TAF4B: variants seen among roughly 807,000 people sequenced by gnomAD.
TAF4B encodes transcription initiation factor TFIID subunit 4B.
TAF4B carries 38 observed loss-of-function variants against 86.4 expected under a neutral mutation model. That is an observed-to-expected ratio of 0.44 (90% confidence interval 0.34 to 0.58). The LOEUF is 0.58. Among genes scored for constraint, TAF4B ranks in the 20% least tolerant of loss-of-function variants. The pLI is 0.02. For missense variants in TAF4B, 988 were observed against 1,027.6 expected, an observed-to-expected ratio of 0.96 and a Z score of 0.53; for synonymous variants, 388 against 391.2, an observed-to-expected ratio of 0.99 and a Z score of 0.10.
chr18:26,267,143 G>A (rs1397981746), intron 2 of TAF4B: 1 of 157,216 alleles, frequency 6.4e-6, no homozygotes, highest in Non-Finnish European at 1.4e-5. Flanking sequence ...AACTGCTGTG[G>A]GTTGAGAATG....
chr18:26,349,444 C>CCAAACAAA (rs71169854), intron 13 of TAF4B, among the ~76,000 whole-genome samples: 16 of 151,654 alleles, frequency 1.1e-4, no homozygotes, highest in East Asian at 9.7e-4. Context: ...AAAATCCCTG[C>CCAAACAAA]CAAACAAACA....
At chr18:26,263,083 T>G (rs1479762489) in intron 1 of TAF4B, among the ~76,000 whole-genome samples, 1 of 152,184 alleles carries the variant, frequency 6.6e-6, no homozygotes, top group African/African-American at 2.4e-5. Context: ...CTTGAGTAGC[T>G]CGGACTACAG....
intron 1 of TAF4B, among the ~76,000 whole-genome samples, chr18:26,228,781 A>AC (rs974811961): frequency 9.2e-5 from 14 of 151,716 alleles, no homozygotes; most frequent in Non-Finnish European, 1.9e-4. Flanking sequence ...TCCCTCCCCA[A>AC]CCCCCCAAAG....
At chr18:26,240,548 C>T (rs2055821321) in intron 1 of TAF4B, among the ~76,000 whole-genome samples, 1 of 152,186 alleles carries the variant, frequency 6.6e-6, no homozygotes, top group Non-Finnish European at 1.5e-5. Context: ...AATTTGACTT[C>T]CTCTTTTCCT....
At position 26,321,144 on chromosome 18, in the gene TAF4B, C is replaced by T; in HGVS notation, c.2077C>T (p.Arg693Ter). The T allele has an allele frequency of 6.2e-7, 1 of 1,613,808 alleles. No homozygotes were observed. Among genetic ancestry groups the T allele is most frequent in the African/African-American group, 1.3e-5 (1 of 75,018 alleles). ...CTCCCAAGCAACACAGGAACGACTA[C>T]GAGGCCTTCTAGAAAAACTGACTGC... The part of the protein sequence containing the change: ...LISQATQERL[R>*]GLLEKLTAIA... The change falls in exon 11 of 15, where the codon CGA becomes TGA. Residue 693 changes from arginine (R) to a stop codon, truncating the protein, a stop_gained. Transcript: ENST00000269142. LOFTEE classifies it high-confidence loss of function.
intron 9 of TAF4B, among the ~76,000 whole-genome samples, chr18:26,303,270 C>T (rs1223906403): frequency 8.3e-5 from 11 of 131,994 alleles, no homozygotes; most frequent in Non-Finnish European, 1.1e-4. Context: ...ATCCTCCCTC[C>T]GCTTTCATCC....
intron 1 of TAF4B, among the ~76,000 whole-genome samples, chr18:26,258,509 A>G (rs1020625273): frequency 6.6e-6 from 1 of 152,168 alleles, no homozygotes; most frequent in African/African-American, 2.4e-5. Flanking sequence ...ATAGTTTTTA[A>G]AAACCAGTTA....
Position 26,274,831 on chromosome 18 carries a change from TCTTA to T in TAF4B, c.759+11_759+14del, listed in dbSNP as rs1340986307. The T allele has an allele frequency of 6.2e-7, 1 of 1,614,074 alleles. No homozygotes were observed. The highest frequency in any genetic ancestry group is 8.5e-7 in the Non-Finnish European group (1 of 1,180,030). ...TCAGATTAATCTTTCTCCGGTAAGC[TCTTA>T]CTTGCACCTTACATAAATCTTGTTC... On this transcript the variant is annotated splice_region_variant and intron_variant, in intron 4 of 14. Coordinates refer to ENST00000269142, the MANE Select transcript of TAF4B (RefSeq NM_005640.3).
chr18:26,282,007 CTG>C lies in TAF4B; in HGVS notation c.921_922del (p.Tyr308CysfsTer2). The C allele has an allele frequency of 6.2e-7, 1 of 1,613,484 alleles. No individual in the cohort carries two copies. Among genetic ancestry groups the C allele is most frequent in the Non-Finnish European group, 8.5e-7 (1 of 1,179,756 alleles). ...CGAAGCAGAAGAATTTACTAGGAAA[CTG>C]TATGTTGAACTCAAGTCTTCACCTC... Reference protein sequence around the residue: ...KIEAEEFTRKLYVELKSSPQP... With the variant: ...KIEAEEFTRKXYVELKSSPQP... On this transcript the variant is annotated frameshift_variant, in exon 6 of 15. Coordinates refer to ENST00000269142, the MANE Select transcript of TAF4B (RefSeq NM_005640.3). LOFTEE classifies it high-confidence loss of function.
chr18:26,364,443 G>GATTTAGAGT (rs201532232), intron 14 of TAF4B, among the ~76,000 whole-genome samples: 3 of 152,088 alleles, frequency 2.0e-5, no homozygotes, highest in Non-Finnish European at 4.4e-5. Flanking sequence ...CCTACTTTAA[G>GATTTAGAGT]ATTTAGAGTA....
intron 1 of TAF4B, among the ~76,000 whole-genome samples, chr18:26,252,754 T>C (rs2056024871): frequency 6.6e-6 from 1 of 151,744 alleles, no homozygotes; most frequent in East Asian, 1.9e-4. Flanking sequence ...ACAAGAGTGG[T>C]GATGCTGGTG....
At chr18:26,312,161 G>T (rs2056860000) in intron 9 of TAF4B, among the ~76,000 whole-genome samples, 1 of 152,200 alleles carries the variant, frequency 6.6e-6, no homozygotes, top group Admixed American at 6.5e-5. Context: ...CAGAAGACTT[G>T]AAGACTTGGT....
In TAF4B at chr18:26,321,110, G is replaced by A; in HGVS notation, c.2043G>A (p.Val681=). The change falls in exon 11 of 15, where the codon GTG becomes GTA. Residue 681 remains valine, a synonymous_variant. Coordinates refer to ENST00000269142, the MANE Select transcript of TAF4B (RefSeq NM_005640.3). ...HDITELNSDA[V]NLISQATQER... ...TTACAGAACTTAACTCTGATGCTGTGAACTTGATCTCCCAAGCAACACAGG... is the reference window on the plus strand; with the variant it reads ...TTACAGAACTTAACTCTGATGCTGTAAACTTGATCTCCCAAGCAACACAGG... The A allele has an allele frequency of 6.2e-7, 1 of 1,613,852 alleles. No homozygotes were observed. Among genetic ancestry groups the A allele is most frequent in the South Asian group, 1.1e-5 (1 of 91,062 alleles).
At position 26,285,210 on chromosome 18, in the gene TAF4B, C is replaced by CTTTTTTTTTTTGT. The variant is rs1555677475; in HGVS notation, c.973-660_973-648dup. Among the ~76,000 whole-genome samples the CTTTTTTTTTTTGT allele has an allele frequency of 6.0e-3, 252 of 41,952 alleles. 5 individuals carry two copies. The highest frequency in any genetic ancestry group is 0.023 in the Middle Eastern group (1 of 44). 27.5% of individuals were successfully genotyped at this position (41,952 alleles called of 152,430 possible). A position where few individuals can be genotyped will look rare whatever the true frequency, so the allele number is the denominator to read the frequency against. On this transcript the variant is annotated intron_variant, in intron 6 of 14. Transcript: ENST00000269142. ...CTTTTAAAGACTATTTCTTCCTTTC[C>CTTTTTTTTTTTGT]TTTTTTTTTTTGTTTTTTTTTTTTT...
intron 14 of TAF4B, 60 bp from the exon 15 acceptor site, chr18:26,389,785 C>G: frequency 1.9e-6 from 3 of 1,552,308 alleles, no homozygotes; most frequent in Non-Finnish European, 2.6e-6. Context: ...CTAGAATTGA[C>G]AGGCTTTCCC....
At chr18:26,315,150 C>CTCTCTG (rs2056894929) in intron 9 of TAF4B, 79 bp from the exon 10 acceptor site, 58 of 454,740 alleles carry the variant, frequency 1.3e-4, no homozygotes, top group Middle Eastern at 8.7e-4. Flanking sequence ...CTCTCTGTCT[C>CTCTCTG]TCTCTCTCTC....
At chr18:26,321,223 T>A (rs1339823976) in intron 11 of TAF4B, 23 bp downstream of exon 11, 1 of 1,612,888 alleles carries the variant, frequency 6.2e-7, no homozygotes, top group Admixed American at 1.7e-5. Flanking sequence ...ATTAAAGAAG[T>A]ATAAACTCTC....
intron 9 of TAF4B, among the ~76,000 whole-genome samples, chr18:26,294,169 G>A (rs2056632636): frequency 6.6e-6 from 1 of 152,028 alleles, no homozygotes; most frequent in African/African-American, 2.4e-5. Context: ...TTAGGTAAGT[G>A]TGAATTTTGG....
intron 5 of TAF4B, among the ~76,000 whole-genome samples, chr18:26,276,520 T>TA (rs2056386474): frequency 6.6e-6 from 1 of 152,202 alleles, no homozygotes. Flanking sequence ...ATTTCAAATA[T>TA]TATACAGCAA....
Sources: allele counts gnomAD v4.1 joint callset (sites outside exome capture counted in the v4.1 genomes callset), GRCh38; gene constraint gnomAD v4.1.1; transcripts MANE v1.5; gene names NCBI Gene and HGNC (gene_info 2026-07-23, HGNC 2026-07-21).